The following LRRC7 variants were observed in gnomAD, a reference collection of about 807,000 sequenced individuals.
The protein encoded by LRRC7 is leucine rich repeat containing 7.
Under a neutral mutation model 175.7 loss-of-function variants are expected in LRRC7, and 23 were observed. The observed-to-expected ratio is 0.13, with a 90% confidence interval of 0.09 to 0.19. The LOEUF is 0.19. Ranked by LOEUF, LRRC7 falls within the 10% of genes least tolerant of loss-of-function variation. The pLI is 1.00. For synonymous variants in LRRC7, 685 were observed against 680.9 expected (o/e 1.01, Z -0.09); for missense variants, 1,354 against 1,904.7 (o/e 0.71, Z 5.38).
intron 7 of LRRC7, among the ~76,000 whole-genome samples, chr1:69,920,740 A>T (rs909221631): frequency 6.6e-6 from 1 of 152,164 alleles, no homozygotes; most frequent in Non-Finnish European, 1.5e-5. Flanking sequence ...GTTGCCTAGA[A>T]CTATACAGTC....
chr1:69,764,952 G>A (rs1169385009), intron 3 of LRRC7, among the ~76,000 whole-genome samples: 4 of 151,928 alleles, frequency 2.6e-5, no homozygotes, highest in Non-Finnish European at 4.4e-5. Flanking sequence ...GATAGTTCTA[G>A]TGTTGACTAT....
At chr1:69,917,747 C>G (rs1293883219) in intron 7 of LRRC7, among the ~76,000 whole-genome samples, 1 of 152,032 alleles carries the variant, frequency 6.6e-6, no homozygotes, top group African/African-American at 2.4e-5. Flanking sequence ...GAGAGTAGGA[C>G]AATAGACTTT....
intron 4 of LRRC7, among the ~76,000 whole-genome samples, chr1:69,792,630 A>G (rs1675259792): frequency 6.6e-6 from 1 of 152,200 alleles, no homozygotes; most frequent in Non-Finnish European, 1.5e-5. Context: ...TGGTTATGGT[A>G]TATTTTCTCC....
At position 70,062,938 on chromosome 1, in the gene LRRC7, A is replaced by C. The variant is rs114190252; in HGVS notation, c.4230+9793A>C. Among the ~76,000 whole-genome samples the C allele has an allele frequency of 8.5e-3, 1,297 of 151,920 alleles. 12 individuals are homozygous for C. Among genetic ancestry groups the C allele is most frequent in the African/African-American group, 0.029 (1,223 of 41,536 alleles). On this transcript the variant is annotated intron_variant, in intron 23 of 26. Transcript: ENST00000651989. ...AAAAAAAATCTCTAACCTAAAGCAA[A>C]AATGACAGCTGAATAAAATATTGTT...
At chr1:69,817,945 T>C (rs1364072126) in intron 4 of LRRC7, among the ~76,000 whole-genome samples, 1 of 152,122 alleles carries the variant, frequency 6.6e-6, no homozygotes, top group African/African-American at 2.4e-5. Flanking sequence ...GGAAACAAAA[T>C]TGACTTTTAA....
At chr1:69,944,341 A>T (rs1473936192) in intron 8 of LRRC7, among the ~76,000 whole-genome samples, 1 of 152,118 alleles carries the variant, frequency 6.6e-6, no homozygotes, top group Non-Finnish European at 1.5e-5. Context: ...TTCATTACAT[A>T]TATATGCTAC....
At chr1:69,983,475 A>G (rs1421935444) in intron 9 of LRRC7, among the ~76,000 whole-genome samples, 1 of 152,052 alleles carries the variant, frequency 6.6e-6, no homozygotes, top group African/African-American at 2.4e-5. Flanking sequence ...TTAAGAATTT[A>G]CTCTATTCCC....
intron 2 of LRRC7, among the ~76,000 whole-genome samples, chr1:69,726,742 T>G (rs1323614793): frequency 4.0e-5 from 6 of 150,016 alleles, no homozygotes; most frequent in African/African-American, 1.5e-4. Flanking sequence ...AATTTGAAAA[T>G]GTAAGAGGGC....
intron 4 of LRRC7, among the ~76,000 whole-genome samples, chr1:69,807,917 G>GT (rs1349198178): frequency 5.3e-5 from 8 of 151,956 alleles, no homozygotes; most frequent in African/African-American, 1.4e-4. Context: ...CATTCTCCCT[G>GT]TAACTTTCAG....
intron 1 of LRRC7, among the ~76,000 whole-genome samples, chr1:69,642,325 T>C (rs777412911): frequency 2.5e-4 from 38 of 151,992 alleles, no homozygotes; most frequent in Non-Finnish European, 4.4e-4. Context: ...ATTTTTCTAA[T>C]GCAAATAAAC....
intron 23 of LRRC7, among the ~76,000 whole-genome samples, chr1:70,075,216 A>G (rs1662685069): frequency 6.6e-6 from 1 of 152,230 alleles, no homozygotes; most frequent in Non-Finnish European, 1.5e-5. Context: ...TTAGAAAGGC[A>G]TATTCTGGCT....
intron 8 of LRRC7, among the ~76,000 whole-genome samples, chr1:69,970,097 C>A (rs1017214751): frequency 6.6e-6 from 1 of 152,038 alleles, no homozygotes; most frequent in Non-Finnish European, 1.5e-5. Context: ...AATAGTGATA[C>A]AACCTATCAA....
intron 2 of LRRC7, among the ~76,000 whole-genome samples, chr1:69,696,373 C>A (rs184410052): frequency 2.0e-5 from 3 of 152,298 alleles, no homozygotes; most frequent in East Asian, 3.9e-4. Flanking sequence ...AATGCCTATA[C>A]CACCATTATA....
intron 1 of LRRC7, among the ~76,000 whole-genome samples, chr1:69,643,730 T>C (rs932044016): frequency 6.6e-6 from 1 of 152,114 alleles, no homozygotes; most frequent in African/African-American, 2.4e-5. Flanking sequence ...GTCAGATTAC[T>C]ATAGGAAGTT....
chr1:70,061,812 G>T (rs773549806), intron 23 of LRRC7, among the ~76,000 whole-genome samples: 1 of 151,928 alleles, frequency 6.6e-6, no homozygotes, highest in Non-Finnish European at 1.5e-5. Context: ...TTGGAGTTTT[G>T]GTATCTACTA....
intron 8 of LRRC7, among the ~76,000 whole-genome samples, chr1:69,933,780 T>C (rs1403480240): frequency 6.6e-6 from 1 of 152,196 alleles, no homozygotes; most frequent in Admixed American, 6.5e-5. Flanking sequence ...TGGGTTTATT[T>C]TTCAAAACTA....
intron 1 of LRRC7, among the ~76,000 whole-genome samples, chr1:69,627,342 T>A (rs550118046): frequency 4.6e-5 from 7 of 152,344 alleles, no homozygotes; most frequent in African/African-American, 1.7e-4. Context: ...GAGCATTTTT[T>A]CATGTGTCTG....
intron 2 of LRRC7, among the ~76,000 whole-genome samples, chr1:69,690,534 T>C (rs1661723915): frequency 1.3e-5 from 2 of 152,220 alleles, no homozygotes; most frequent in African/African-American, 4.8e-5. Context: ...TCAGCCCTTT[T>C]TACACCCTTC....
At chr1:70,030,326 A>G (rs1658577773) in intron 18 of LRRC7, among the ~76,000 whole-genome samples, 1 of 152,104 alleles carries the variant, frequency 6.6e-6, no homozygotes, top group South Asian at 2.1e-4. Flanking sequence ...CCCCTTTCCT[A>G]GCTTTCTTCT....
Sources: gnomAD v4.1 joint callset for allele counts (sites outside exome capture counted in the v4.1 genomes callset) on GRCh38, gnomAD v4.1.1 for gene constraint, MANE v1.5 for transcripts, NCBI Gene and HGNC (gene_info 2026-07-23, HGNC 2026-07-21) for gene names.